The following SCARB1 variants were observed in gnomAD, a reference collection of about 807,000 sequenced individuals.
The protein encoded by SCARB1 is CD36 and LIMPII analogous 1.
Under a neutral mutation model 57.2 loss-of-function variants are expected in SCARB1, and 30 were observed. The observed-to-expected ratio is 0.52, with a 90% CI of 0.39 to 0.71. The LOEUF is 0.71. SCARB1 is among the 30% of genes least tolerant of loss of function. The pLI, the probability that SCARB1 is intolerant of heterozygous loss-of-function variation, is 0.00. For missense variants in SCARB1, 543 were observed against 671.2 expected, an observed-to-expected ratio of 0.81 and a Z score of 2.11; for synonymous variants, 249 against 268.3, an observed-to-expected ratio of 0.93 and a Z score of 0.70.
In SCARB1 at chr12:124,778,205, G is replaced by C; in HGVS notation, c.*382C>G. ...GGACTGCAGTGTTTCACCTTGGAGG[G>C]GAGGAAGCCTGGGCCCAACGGCTGA... On this transcript the variant is annotated 3_prime_UTR_variant, in exon 13 of 13. Coordinates refer to ENST00000261693, the MANE Select transcript of SCARB1 (RefSeq NM_005505.5). The C allele has an allele frequency of 8.2e-6, 3 of 365,386 alleles. No individual in the cohort carries two copies. Among genetic ancestry groups the C allele is most frequent in the Non-Finnish European group, 1.5e-5 (3 of 206,144 alleles). The allele number at this position is 365,386 out of a possible 1,614,324, so 22.6% of individuals were successfully genotyped here.
Position 124,862,240 on chromosome 12 carries a change from T to C in SCARB1, c.126+1355A>G, listed in dbSNP as rs893939161. On this transcript the variant is annotated intron_variant, in intron 1 of 12. Transcript: ENST00000261693. ...CATGGGGGAGAAGAGGCCATTCTGCTGATTTTCCTGCCATCCCCAGAGACA... is the reference window on the plus strand; with the variant it reads ...CATGGGGGAGAAGAGGCCATTCTGCCGATTTTCCTGCCATCCCCAGAGACA... The C allele has an allele frequency of 2.0e-5, 3 of 152,230 alleles. No homozygotes were observed. In the East Asian group the frequency reaches 5.8e-4, roughly 29 times the overall value. 9.4% of individuals were successfully genotyped at this position (152,230 alleles called of 1,614,324 possible).
intron 1 of SCARB1, among the ~76,000 whole-genome samples, chr12:124,835,414 C>CAT (rs1951603406): frequency 6.6e-6 from 1 of 151,956 alleles, no homozygotes; most frequent in South Asian, 2.1e-4. Context: ...CTTCTGTCAC[C>CAT]ATACTCAGCT....
In SCARB1 at chr12:124,857,378, C is replaced by A. The variant is rs533180454; in HGVS notation, c.126+6217G>T. The stretch of plus-strand genomic sequence containing the variant: ...TCTCCCATCAACCCCCATCTTTTAA[C>A]TGATTGACAAAGATTTCCCAAAAGG... On this transcript the variant is annotated intron_variant, in intron 1 of 12. Coordinates refer to ENST00000261693, the MANE Select transcript of SCARB1 (RefSeq NM_005505.5). Among the ~76,000 whole-genome samples, 12 of 152,340 alleles carry A rather than the reference C, an allele frequency of 7.9e-5. 1 individual carries two copies. In the South Asian group the frequency reaches 2.5e-3, roughly 32 times the overall value.
chr12:124,854,898 G>A (rs948234753), intron 1 of SCARB1, among the ~76,000 whole-genome samples: 1 of 152,156 alleles, frequency 6.6e-6, no homozygotes, highest in African/African-American at 2.4e-5. Flanking sequence ...CAGGGGAAAG[G>A]TCTGGGCCCA....
rs200734520 is a variant in SCARB1, at chr12:124,845,850, C to CAA, written c.126+17743_126+17744dup. On this transcript the variant is annotated intron_variant, in intron 1 of 12. Transcript: ENST00000261693. ...GTGAAACCCGTCTCTACTAAAAATA[C>CAA]AAAAAAAAAAAATTAGCCGGGTGTG... Among the ~76,000 whole-genome samples the CAA allele has an allele frequency of 5.6e-3, 610 of 109,062 alleles. 2 individuals are homozygous for CAA. Among genetic ancestry groups the CAA allele is most frequent in the African/African-American group, 0.02 (564 of 28,264 alleles). 71.5% of individuals were successfully genotyped at this position (109,062 alleles called of 152,430 possible).
chr12:124,859,948 C>CT (rs1433815236), intron 1 of SCARB1, among the ~76,000 whole-genome samples: 8 of 113,950 alleles, frequency 7.0e-5, no homozygotes, highest in South Asian at 3.1e-4. Flanking sequence ...TAAGTTCCTT[C>CT]ATTTTTTTTT....
chr12:124,863,655 A>G lies in SCARB1; in HGVS notation c.66T>C (p.Ala22=). The G allele has an allele frequency of 6.3e-7, 1 of 1,584,830 alleles. No individual in the cohort carries two copies. Among genetic ancestry groups the G allele is most frequent in the African/African-American group, 1.4e-5 (1 of 72,350 alleles). The part of the protein sequence containing the change: ...GALGVAGLLC[A]VLGAVMIVMV... ...TCACGATCATGACAGCGCCCAGCAC[A>G]GCGCACAGTAGCCCCGCGACGCCCA... Residue 22 remains alanine, a synonymous_variant, in exon 1 of 13, where the codon GCT becomes GCC. Transcript: ENST00000261693.
chr12:124,779,265 T>C (rs1171528079), intron 12 of SCARB1, among the ~76,000 whole-genome samples: 1 of 152,232 alleles, frequency 6.6e-6, no homozygotes, highest in Non-Finnish European at 1.5e-5. Context: ...TTTAAACCCA[T>C]GTCACAGGAC....
intron 1 of SCARB1, among the ~76,000 whole-genome samples, chr12:124,827,613 T>C (rs1193287472): frequency 6.6e-6 from 1 of 152,128 alleles, no homozygotes; most frequent in African/African-American, 2.4e-5. Flanking sequence ...CCACAACCAC[T>C]GTCTGTTACT....
chr12:124,847,475 A>C (rs911565261), intron 1 of SCARB1, among the ~76,000 whole-genome samples: 1 of 152,126 alleles, frequency 6.6e-6, no homozygotes, highest in Non-Finnish European at 1.5e-5. Context: ...GAGAGGCAAA[A>C]CAGGAAAAGC....
chr12:124,848,521 G>A (rs1049076494), intron 1 of SCARB1, among the ~76,000 whole-genome samples: 7 of 152,232 alleles, frequency 4.6e-5, no homozygotes, highest in South Asian at 2.1e-4. Context: ...CCATGGAGAA[G>A]GACGTCCTTG....
At chr12:124,847,450 G>C (rs1357729787) in intron 1 of SCARB1, among the ~76,000 whole-genome samples, 2 of 152,230 alleles carry the variant, frequency 1.3e-5, no homozygotes, top group African/African-American at 4.8e-5. Flanking sequence ...GTGGCTGCCG[G>C]GAGGCCCAGT....
chr12:124,845,468 G>T (rs1952102647), intron 1 of SCARB1, among the ~76,000 whole-genome samples: 1 of 147,410 alleles, frequency 6.8e-6, no homozygotes, highest in Admixed American at 6.9e-5. Flanking sequence ...CGAGGCAGGT[G>T]TTTGACCTGA....
At chr12:124,860,681 AC>A (rs544431239) in intron 1 of SCARB1, among the ~76,000 whole-genome samples, 2 of 152,110 alleles carry the variant, frequency 1.3e-5, no homozygotes, top group Non-Finnish European at 2.9e-5. Flanking sequence ...CTAGAAATCC[AC>A]CCTATGGAAA....
rs560912626 is a variant in SCARB1 at position 124,803,055 on chromosome 12, C to G, written c.1010-2813G>C. Among the ~76,000 whole-genome samples the G allele has an allele frequency of 1.3e-4, 20 of 152,314 alleles. 1 individual carries two copies. In the East Asian group the frequency reaches 3.5e-3, roughly 26 times the overall value. ...AACGGAGAGGAGGGGCTGCTACCAC[C>G]CACAACGTCACGGACGAATTGCACC... On this transcript the variant is annotated intron_variant, in intron 7 of 12. Coordinates refer to ENST00000261693, the MANE Select transcript of SCARB1 (RefSeq NM_005505.5).
intron 1 of SCARB1, among the ~76,000 whole-genome samples, chr12:124,850,392 C>T (rs192816882): frequency 4.0e-5 from 6 of 150,078 alleles, no homozygotes; most frequent in Non-Finnish European, 5.9e-5. Context: ...AATAAATAGG[C>T]CGGGCTTCGT....
intron 8 of SCARB1, among the ~76,000 whole-genome samples, chr12:124,798,401 ACT>A (rs1950020989): frequency 6.6e-6 from 1 of 151,814 alleles, no homozygotes; most frequent in African/African-American, 2.4e-5. Flanking sequence ...ACGCAGCAAG[ACT>A]CTGTCTCAAA....
Position 124,817,001 on chromosome 12 carries a change from T to C in SCARB1, c.284+549A>G, listed in dbSNP as rs576874234. On this transcript the variant is annotated intron_variant, in intron 2 of 12. Transcript: ENST00000261693. This position sits in a 1 kb window ranked among gnomAD's most constrained non-coding sequence, Gnocchi z 4.8. ...GCCCAGATAGGGTCTGGGGGGTCGG[T>C]CCCTGCTCCTGGTCATGCATGTGTG... Among the ~76,000 whole-genome samples, 2 of 149,568 alleles carry C rather than the reference T, an allele frequency of 1.3e-5. No homozygotes were observed. The highest frequency in any genetic ancestry group is 4.9e-5 in the African/African-American group (2 of 40,602).
chr12:124,786,750 C>T (rs2135542122), intron 10 of SCARB1, among the ~76,000 whole-genome samples: 1 of 152,320 alleles, frequency 6.6e-6, no homozygotes, highest in East Asian at 1.9e-4. Flanking sequence ...GGGAGGTGGA[C>T]CTGGCCTCAC....
Sources: gnomAD v4.1 joint callset for allele counts (sites outside exome capture counted in the v4.1 genomes callset) on GRCh38, gnomAD v4.1.1 for gene constraint, Gnocchi (gnomAD v3.1) non-coding constraint, MANE v1.5 for transcripts, NCBI Gene and HGNC (gene_info 2026-07-23, HGNC 2026-07-21) for gene names.